The following PLEKHA7 variants were observed in gnomAD, a reference collection of about 807,000 sequenced individuals.
PLEKHA7 encodes pleckstrin homology domain containing A7, also known as pleckstrin homology domain-containing family A member 7.
A neutral mutation model predicts 170.0 loss-of-function variants in PLEKHA7; 104 were observed. That is an observed-to-expected ratio of 0.61 (90% CI 0.52 to 0.72). The LOEUF (loss-of-function observed/expected upper bound fraction) is 0.72. Ranked by LOEUF, PLEKHA7 falls within the 30% of genes least tolerant of loss-of-function variation. PLEKHA7 has a pLI of 0.00. For synonymous variants in PLEKHA7, 648 were observed against 660.8 expected (o/e 0.98, Z 0.30); for missense variants, 1,615 against 1,671.7 (o/e 0.97, Z 0.59).
chr11:16,912,154 C>T (rs1056644061), intron 3 of PLEKHA7, among the ~76,000 whole-genome samples: 1 of 152,200 alleles, frequency 6.6e-6, no homozygotes, highest in South Asian at 2.1e-4. Flanking sequence ...ATGGCAGACA[C>T]ACCTTACTCC....
chr11:16,860,748 T>C (rs1338945982), intron 4 of PLEKHA7, among the ~76,000 whole-genome samples: 1 of 152,198 alleles, frequency 6.6e-6, no homozygotes, highest in African/African-American at 2.4e-5. Flanking sequence ...AAGCAGGCTT[T>C]TGCTCTTTTC....
chr11:16,802,738 G>C (rs1848680999), intron 15 of PLEKHA7, among the ~76,000 whole-genome samples: 1 of 152,102 alleles, frequency 6.6e-6, no homozygotes, highest in South Asian at 2.1e-4. Context: ...AGTGGAGACA[G>C]GGTTTCACCA....
chr11:17,008,326 AG>A lies in PLEKHA7; in HGVS notation c.221+5662del, dbSNP rs1482143132. Among the ~76,000 whole-genome samples, 3 of 152,228 alleles carry A rather than the reference AG, an allele frequency of 2.0e-5. No individual in the cohort carries two copies. In the East Asian group the frequency reaches 5.8e-4, roughly 29 times the overall value. Reference sequence around the variant, plus strand: ...GGGAAGGAAGACAGCCTAGTCCAGTAGCCAACAGGTATCCCAGTCCCAGATG... The same window carrying A: ...GGGAAGGAAGACAGCCTAGTCCAGTACCAACAGGTATCCCAGTCCCAGATG... On this transcript the variant is annotated intron_variant, in intron 3 of 26. Coordinates refer to ENST00000531066, the MANE Select transcript of PLEKHA7 (RefSeq NM_001329630.2).
Position 17,014,056 on chromosome 11 carries a change from C to G in PLEKHA7, c.164-10G>C. 1.3e-6 allele frequency: 2 copies of G among 1,570,086 alleles called. No individual in the cohort carries two copies. The highest frequency in any genetic ancestry group is 1.7e-6 in the Non-Finnish European group (2 of 1,158,442). On this transcript the variant is annotated splice_polypyrimidine_tract_variant and intron_variant, in intron 2 of 26. Transcript: ENST00000531066. Reference sequence around the variant, plus strand: ...CAGCCGCGGGGCAGGTCTGCGGAAACGCCAGAAAAGTCGGGTCAAACTTGG... The same window carrying G: ...CAGCCGCGGGGCAGGTCTGCGGAAAGGCCAGAAAAGTCGGGTCAAACTTGG...
chr11:16,795,096 A>G, intron 17 of PLEKHA7, 78 bp from the exon 18 acceptor site: 1 of 1,059,646 alleles, frequency 9.4e-7, no homozygotes, highest in South Asian at 1.3e-5. Context: ...ACCATTTCAG[A>G]CAGAGCCCCC....
intron 8 of PLEKHA7, among the ~76,000 whole-genome samples, chr11:16,843,288 G>A (rs1590306041): frequency 6.6e-6 from 1 of 152,196 alleles, no homozygotes; most frequent in South Asian, 2.1e-4. Flanking sequence ...CCCATGCAAG[G>A]ACCAGGCAGA....
chr11:16,827,780 C>G (rs997486892), intron 9 of PLEKHA7, among the ~76,000 whole-genome samples: 2 of 136,920 alleles, frequency 1.5e-5, no homozygotes, highest in Admixed American at 7.9e-5. Flanking sequence ...GAAAAAATAA[C>G]AAAGACGTTT....
At chr11:16,868,203 G>T (rs575849692) in intron 4 of PLEKHA7, among the ~76,000 whole-genome samples, 1 of 152,234 alleles carries the variant, frequency 6.6e-6, no homozygotes, top group African/African-American at 2.4e-5. Flanking sequence ...CCTCTGTCAT[G>T]AACATTTATC....
chr11:16,922,679 G>C (rs553767604), intron 3 of PLEKHA7, among the ~76,000 whole-genome samples: 25 of 152,238 alleles, frequency 1.6e-4, no homozygotes, highest in African/African-American at 6.0e-4. Context: ...CAAACCATCA[G>C]AGCACCCTTC....
chr11:16,884,846 TTACAG>T (rs1855962612), intron 3 of PLEKHA7, among the ~76,000 whole-genome samples: 1 of 152,232 alleles, frequency 6.6e-6, no homozygotes, highest in African/African-American at 2.4e-5. Flanking sequence ...TCTAATTTTT[TTACAG>T]TAAAGAAATT....
chr11:16,857,516 C>T (rs1203456409), intron 4 of PLEKHA7, among the ~76,000 whole-genome samples: 3 of 152,348 alleles, frequency 2.0e-5, no homozygotes, highest in East Asian at 3.9e-4. Flanking sequence ...CTCCAAGAGG[C>T]GGCCTTGTCC....
chr11:16,801,945 C>T, intron 15 of PLEKHA7, 128 bp from the exon 16 acceptor site: 1 of 1,182,724 alleles, frequency 8.5e-7, no homozygotes, highest in Non-Finnish European at 1.2e-6. Flanking sequence ...AGATGTGGGC[C>T]CACAGTCGGG....
At chr11:16,809,942 T>C (rs1469416389) in intron 13 of PLEKHA7, among the ~76,000 whole-genome samples, 1 of 148,436 alleles carries the variant, frequency 6.7e-6, no homozygotes, top group Non-Finnish European at 1.5e-5. Context: ...GTGCTTCCTT[T>C]CTCCACCCAG....
At chr11:16,944,185 C>A (rs947885051) in intron 3 of PLEKHA7, among the ~76,000 whole-genome samples, 5 of 152,156 alleles carry the variant, frequency 3.3e-5, no homozygotes, top group Admixed American at 2.6e-4. Context: ...GATACCCTGT[C>A]TCTACTAAAA....
intron 3 of PLEKHA7, among the ~76,000 whole-genome samples, chr11:16,962,747 C>T (rs1362700037): frequency 6.6e-6 from 1 of 152,208 alleles, no homozygotes; most frequent in Non-Finnish European, 1.5e-5. Flanking sequence ...AGGCATGAGC[C>T]ACTGCACCTG....
At chr11:16,847,835 T>C (rs1250520937) in intron 8 of PLEKHA7, among the ~76,000 whole-genome samples, 21 of 116,634 alleles carry the variant, frequency 1.8e-4, no homozygotes, top group Non-Finnish European at 3.2e-4. Context: ...AGAGCGAAAT[T>C]CTGTCTCAAA....
chr11:16,798,552 A>G (rs1848390418), intron 17 of PLEKHA7, among the ~76,000 whole-genome samples: 1 of 152,252 alleles, frequency 6.6e-6, no homozygotes, highest in African/African-American at 2.4e-5. Flanking sequence ...GCCAATAATC[A>G]TACGAATAGA....
intron 3 of PLEKHA7, among the ~76,000 whole-genome samples, chr11:16,963,336 T>C (rs916318851): frequency 2.0e-5 from 3 of 152,192 alleles, no homozygotes; most frequent in Non-Finnish European, 2.9e-5. Flanking sequence ...GGACTTTTTT[T>C]TTTCTTTTTT....
intron 3 of PLEKHA7, among the ~76,000 whole-genome samples, chr11:16,982,358 T>C (rs933265868): frequency 1.3e-5 from 2 of 152,328 alleles, no homozygotes; most frequent in African/African-American, 2.4e-5. Context: ...GGCGAGCCAG[T>C]TGCCCCTGGC....
Sources: gnomAD v4.1 joint callset for allele counts (sites outside exome capture counted in the v4.1 genomes callset) on GRCh38, gnomAD v4.1.1 for gene constraint, MANE v1.5 for transcripts, NCBI Gene and HGNC (gene_info 2026-07-23, HGNC 2026-07-21) for gene names.